EYS: variants seen among roughly 807,000 people sequenced by gnomAD.
The protein encoded by EYS is EGF-like photoreceptor maintenance factor, also known as protein eyes shut homolog.
EYS carries 250 observed loss-of-function variants against 282.1 expected under a neutral mutation model. The ratio of observed to expected loss-of-function variants is 0.89; its 90% CI spans 0.80 to 0.98. The LOEUF (loss-of-function observed/expected upper bound fraction) is 0.98, where lower values mean the gene tolerates loss of function less well. Among genes scored for constraint, EYS ranks in the 50% least tolerant of loss-of-function variants. The probability of loss-of-function intolerance (pLI) is 0.00; values close to 1 mark genes in which losing one functional copy is unlikely to be tolerated. For missense variants in EYS, 4,016 were observed against 3,709.0 expected, an observed-to-expected ratio of 1.08 and a Z score of -2.15; for synonymous variants, 1,355 against 1,282.9, an observed-to-expected ratio of 1.06 and a Z score of -1.20.
At chr6:64,815,502 A>G (rs1320530433) in intron 21 of EYS, among the ~76,000 whole-genome samples, 2 of 152,114 alleles carry the variant, frequency 1.3e-5, no homozygotes, top group Non-Finnish European at 2.9e-5. Flanking sequence ...ATTAATTAGA[A>G]AGCTTAATGG....
At chr6:64,338,762 C>A (rs961793674) in intron 29 of EYS, among the ~76,000 whole-genome samples, 6 of 152,052 alleles carry the variant, frequency 3.9e-5, no homozygotes, top group Non-Finnish European at 7.4e-5. Flanking sequence ...ACTGAAACAG[C>A]ATGGTACTAG....
At chr6:63,789,561 G>A (rs1191169896) in intron 37 of EYS, among the ~76,000 whole-genome samples, 3 of 152,212 alleles carry the variant, frequency 2.0e-5, no homozygotes, top group Non-Finnish European at 4.4e-5. Flanking sequence ...TCACAATGGA[G>A]TAGAATTGCT....
At chr6:64,550,397 T>C (rs1347267473) in intron 26 of EYS, among the ~76,000 whole-genome samples, 1 of 152,154 alleles carries the variant, frequency 6.6e-6, no homozygotes, top group East Asian at 1.9e-4. Flanking sequence ...CTCCAGCACC[T>C]GTTGTTTCCT....
chr6:64,185,549 G>T (rs12196130), intron 31 of EYS, among the ~76,000 whole-genome samples: 2 of 151,950 alleles, frequency 1.3e-5, no homozygotes, highest in African/African-American at 4.8e-5. Flanking sequence ...GACACGGAAA[G>T]GCTACTGCCT....
Position 64,585,140 on chromosome 6 carries a change from A to T in EYS, c.5644+5083T>A, listed in dbSNP as rs562638076. On this transcript the variant is annotated intron_variant, in intron 26 of 42. Transcript: ENST00000503581. Reference sequence around the variant, plus strand: ...ACATCATTGAATACTACACAGCCATAAAAAGAACAAAATCATGTCCTTGGC... The same window carrying T: ...ACATCATTGAATACTACACAGCCATTAAAAGAACAAAATCATGTCCTTGGC... Among the ~76,000 whole-genome samples, 5 of 152,246 alleles carry T rather than the reference A, an allele frequency of 3.3e-5. No individual in the cohort carries two copies. The South Asian group carries it at 1.0e-3, about 32-fold the overall frequency.
chr6:63,793,607 G>A (rs1426861200), intron 37 of EYS, among the ~76,000 whole-genome samples: 1 of 152,156 alleles, frequency 6.6e-6, no homozygotes, highest in African/African-American at 2.4e-5. Flanking sequence ...GACTTTCTAA[G>A]TTAAGCTTAG....
At chr6:65,331,605 G>T in intron 11 of EYS, 4 of 977,524 alleles carry the variant, frequency 4.1e-6, no homozygotes, top group Non-Finnish European at 4.9e-6. Flanking sequence ...AAGATTCTCT[G>T]GATATCAAAA....
chr6:65,253,807 T>C (rs1767389373), intron 12 of EYS, among the ~76,000 whole-genome samples: 1 of 151,836 alleles, frequency 6.6e-6, no homozygotes, highest in Non-Finnish European at 1.5e-5. Flanking sequence ...GTACACATTG[T>C]AAATGGAAAC....
chr6:64,778,768 C>A (rs1173707080), intron 22 of EYS, among the ~76,000 whole-genome samples: 2 of 152,044 alleles, frequency 1.3e-5, no homozygotes, highest in African/African-American at 4.8e-5. Flanking sequence ...ATACAGATGG[C>A]AAATAAGCAT....
Position 64,902,166 on chromosome 6 carries a change from T to G in EYS, c.2793A>C (p.Glu931Asp). The change falls in exon 18 of 43, where the codon GAA becomes GAC. Residue 931 changes from glutamate to aspartate, a missense_variant. Coordinates refer to ENST00000503581, the MANE Select transcript of EYS (RefSeq NM_001142800.2). ...SGSLCEIEINECSSEPCKNNG... is the reference protein window; with the variant it reads ...SGSLCEIEINDCSSEPCKNNG... ...TATTTTTGCAAGGTTCAGAGGAACATTCATTAATTTCAATTTCACACAGAG... is the reference window on the plus strand; with the variant it reads ...TATTTTTGCAAGGTTCAGAGGAACAGTCATTAATTTCAATTTCACACAGAG... 2.6e-6 allele frequency: 4 copies of G among 1,550,748 alleles called. No individual in the cohort carries two copies. The highest frequency in any genetic ancestry group is 3.5e-6 in the Non-Finnish European group (4 of 1,146,484).
chr6:65,675,104 A>G (rs1457910406), intron 1 of EYS, among the ~76,000 whole-genome samples: 1 of 151,898 alleles, frequency 6.6e-6, no homozygotes, highest in Non-Finnish European at 1.5e-5. Flanking sequence ...GAAAATATCT[A>G]TAAGAGATAT....
At chr6:64,764,737 T>TTTTG (rs887042899) in intron 22 of EYS, among the ~76,000 whole-genome samples, 4 of 152,176 alleles carry the variant, frequency 2.6e-5, no homozygotes, top group African/African-American at 9.6e-5. Flanking sequence ...CCTTTTTGTT[T>TTTTG]TTTGTTTGTT....
chr6:64,420,036 A>T (rs1216966830), intron 28 of EYS, among the ~76,000 whole-genome samples: 2 of 152,166 alleles, frequency 1.3e-5, no homozygotes, highest in Non-Finnish European at 2.9e-5. Flanking sequence ...CTGCCTAGAC[A>T]TCCAGGCATT....
At chr6:64,028,598 G>T (rs1769653712) in intron 33 of EYS, among the ~76,000 whole-genome samples, 1 of 152,136 alleles carries the variant, frequency 6.6e-6, no homozygotes, top group Non-Finnish European at 1.5e-5. Context: ...CTGAGTCCCA[G>T]TTCCTCTTTG....
chr6:63,835,348 T>TACACAC (rs545681031), intron 36 of EYS, among the ~76,000 whole-genome samples: 3 of 150,258 alleles, frequency 2.0e-5, no homozygotes, highest in Admixed American at 6.7e-5. Context: ...TATATATATA[T>TACACAC]ACACACACAC....
At chr6:64,344,310 A>G (rs1272685880) in intron 29 of EYS, among the ~76,000 whole-genome samples, 1 of 152,072 alleles carries the variant, frequency 6.6e-6, no homozygotes, top group Non-Finnish European at 1.5e-5. Context: ...AATCCTCAAT[A>G]AAATACTGGC....
In EYS at chr6:65,057,675, A is replaced by G. The variant is rs541810987; in HGVS notation, c.2076T>C (p.Asn692=). 280 of 1,551,104 alleles carry G rather than the reference A, an allele frequency of 1.8e-4. No individual in the cohort carries two copies. The highest frequency in any genetic ancestry group is 2.3e-4 in the Non-Finnish European group (266 of 1,146,722). The part of the protein sequence containing the change: ...IDECASHPCK[N]GATCIDQPGN... ...CAGGTTGGTCAATGCAGGTGGCTCC[A>G]TTTTTGCAGGGATGTGAAGCACACT... is the stretch of plus-strand genomic sequence containing the variant. Residue 692 remains asparagine, a synonymous_variant, in exon 13 of 43, where the codon AAT becomes AAC. Transcript: ENST00000503581.
intron 5 of EYS, among the ~76,000 whole-genome samples, chr6:65,482,732 A>G (rs1365448668): frequency 6.6e-6 from 1 of 152,176 alleles, no homozygotes; most frequent in African/African-American, 2.4e-5. Context: ...TCTGTCCAAA[A>G]TGGTAGCTGA....
chr6:64,271,882 C>T (rs1767952071), intron 30 of EYS, among the ~76,000 whole-genome samples: 1 of 151,994 alleles, frequency 6.6e-6, no homozygotes, highest in African/African-American at 2.4e-5. Context: ...CTGCAACTCC[C>T]ACGCTGGAGT....
Sources: allele counts gnomAD v4.1 joint callset (sites outside exome capture counted in the v4.1 genomes callset), GRCh38; gene constraint gnomAD v4.1.1; transcripts MANE v1.5; gene names NCBI Gene and HGNC (gene_info 2026-07-23, HGNC 2026-07-21).